The following XYLT1 variants were observed in gnomAD, a reference collection of about 807,000 sequenced individuals.
The protein encoded by XYLT1 is beta-D-xylosyltransferase 1.
A neutral mutation model predicts 91.3 loss-of-function variants in XYLT1; 36 were observed. The observed-to-expected ratio is 0.39, with a 90% CI of 0.30 to 0.52. XYLT1 has a LOEUF of 0.52. XYLT1 is among the 20% of genes least tolerant of loss of function. The probability of loss-of-function intolerance (pLI) is 0.68; values close to 1 mark genes in which losing one functional copy is unlikely to be tolerated. For synonymous variants in XYLT1, 588 were observed against 532.0 expected (o/e 1.11, Z -1.45); for missense variants, 1,242 against 1,284.5 (o/e 0.97, Z 0.51).
At chr16:17,303,922 G>C (rs1359438920) in intron 2 of XYLT1, among the ~76,000 whole-genome samples, 1 of 152,064 alleles carries the variant, frequency 6.6e-6, no homozygotes, top group Non-Finnish European at 1.5e-5. Context: ...TTTGTTAAGA[G>C]CAAATGATGT....
intron 2 of XYLT1, among the ~76,000 whole-genome samples, chr16:17,286,621 G>C (rs1454464295): frequency 1.3e-5 from 2 of 151,644 alleles, no homozygotes; most frequent in Admixed American, 1.3e-4. Flanking sequence ...TTAGCTTCTT[G>C]AATCCTCACA....
At position 17,108,761 on chromosome 16, in the gene XYLT1, C is replaced by T; in HGVS notation, c.2814G>A (p.Trp938Ter). Residue 938 changes from tryptophan (W) to a stop codon, truncating the protein, a stop_gained, in exon 12 of 12, where the codon TGG becomes TGA. Coordinates refer to ENST00000261381, the MANE Select transcript of XYLT1 (RefSeq NM_022166.4). LOFTEE classifies it high-confidence loss of function. ...PVMQTCSQTAWSSFSPDPKSE... is the reference protein window; with the variant it reads ...PVMQTCSQTA The stretch of plus-strand genomic sequence containing the variant: ...ACTTGGGGTCAGGGCTGAAGGAGCT[C>T]CAGGCCGTCTGGCTGCAGGTCTGCA... 1 of 1,608,028 alleles carries T rather than the reference C, an allele frequency of 6.2e-7. No individual in the cohort carries two copies. Among genetic ancestry groups the T allele is most frequent in the Non-Finnish European group, 8.5e-7 (1 of 1,179,166 alleles).
intron 2 of XYLT1, among the ~76,000 whole-genome samples, chr16:17,317,653 A>T (rs1456187748): frequency 2.0e-5 from 3 of 151,242 alleles, no homozygotes; most frequent in Non-Finnish European, 4.4e-5. Flanking sequence ...AAAAAAAAAA[A>T]AAAAAGGCAT....
At position 17,108,601 on chromosome 16, in the gene XYLT1, T is replaced by A. The variant is rs1966810367; in HGVS notation, c.*94A>T. On this transcript the variant is annotated 3_prime_UTR_variant, in exon 12 of 12. Transcript: ENST00000261381. Reference sequence around the variant, plus strand: ...AGGAGAGACCCATTCACAGAGGGCCTCCCCCAGGGTGGGAGGCCGGGGTTC... The same window carrying A: ...AGGAGAGACCCATTCACAGAGGGCCACCCCCAGGGTGGGAGGCCGGGGTTC... The A allele has an allele frequency of 9.5e-6, 12 of 1,257,610 alleles. No individual in the cohort carries two copies. The South Asian group carries it at 1.8e-4, about 19-fold the overall frequency. 77.9% of individuals were successfully genotyped at this position (1,257,610 alleles called of 1,614,324 possible).
chr16:17,297,557 GAAAAA>G lies in XYLT1; in HGVS notation c.403-38064_403-38060del, dbSNP rs35985751. Among the ~76,000 whole-genome samples, 302 of 142,972 alleles carry G rather than the reference GAAAAA, an allele frequency of 2.1e-3. 3 individuals are homozygous for G. Among genetic ancestry groups the G allele is most frequent in the African/African-American group, 7.1e-3 (287 of 40,330 alleles). 93.8% of individuals were successfully genotyped at this position (142,972 alleles called of 152,430 possible). A position where few individuals can be genotyped will look rare whatever the true frequency, so the allele number is the denominator to read the frequency against. On this transcript the variant is annotated intron_variant, in intron 2 of 11. Transcript: ENST00000261381. ...TGAGGACCCCATCTCTAAAGAAAAT[GAAAAA>G]AAAAAAAAAACTTAGCTTGGTATGG...
At chr16:17,280,454 ATG>A (rs1255460318) in intron 2 of XYLT1, among the ~76,000 whole-genome samples, 1 of 152,250 alleles carries the variant, frequency 6.6e-6, no homozygotes, top group Non-Finnish European at 1.5e-5. Flanking sequence ...TAATACAAAT[ATG>A]TGTCAGATAT....
At chr16:17,265,201 A>C (rs923846355) in intron 2 of XYLT1, among the ~76,000 whole-genome samples, 2 of 152,032 alleles carry the variant, frequency 1.3e-5, no homozygotes, top group Non-Finnish European at 2.9e-5. Flanking sequence ...CAAACAAACA[A>C]CACCTCACCT....
intron 9 of XYLT1, 144 bp downstream of exon 9, chr16:17,134,329 A>ATGAG (rs1035679707): frequency 1.1e-5 from 12 of 1,109,224 alleles, no homozygotes; most frequent in Non-Finnish European, 1.3e-5. Flanking sequence ...GTGGCGTTAG[A>ATGAG]TGAGTTTTGG....
intron 1 of XYLT1, among the ~76,000 whole-genome samples, chr16:17,366,198 C>A (rs1030799376): frequency 2.0e-5 from 3 of 151,792 alleles, no homozygotes; most frequent in Non-Finnish European, 4.4e-5. Context: ...TTTAGCAACA[C>A]TGGATGTGTA....
At chr16:17,469,655 G>A (rs1210101131) in intron 1 of XYLT1, among the ~76,000 whole-genome samples, 1 of 152,218 alleles carries the variant, frequency 6.6e-6, no homozygotes. Context: ...TAATCCCATA[G>A]GAGTGGAAGC....
intron 6 of XYLT1, among the ~76,000 whole-genome samples, chr16:17,144,128 T>C (rs1017742226): frequency 1.3e-4 from 20 of 149,100 alleles, no homozygotes; most frequent in Non-Finnish European, 2.9e-4. Context: ...GATTCTGTGA[T>C]TACTGTCTAC....
At chr16:17,358,537 G>C (rs530551623) in intron 1 of XYLT1, among the ~76,000 whole-genome samples, 1 of 152,248 alleles carries the variant, frequency 6.6e-6, no homozygotes, top group Non-Finnish European at 1.5e-5. Context: ...GAGACATCAG[G>C]ACAGCTTGGC....
At chr16:17,151,318 T>G (rs187065089) in intron 6 of XYLT1, among the ~76,000 whole-genome samples, 12 of 152,208 alleles carry the variant, frequency 7.9e-5, no homozygotes, top group African/African-American at 2.9e-4. Flanking sequence ...CCCAGCTACC[T>G]GGGAGACTGA....
intron 5 of XYLT1, among the ~76,000 whole-genome samples, chr16:17,173,412 T>C (rs574397470): frequency 2.6e-5 from 4 of 152,398 alleles, no homozygotes; most frequent in Non-Finnish European, 5.9e-5. Context: ...ACGTACATCC[T>C]GGATTAGCTT....
At chr16:17,117,593 CA>C in intron 11 of XYLT1, 52 bp downstream of exon 11, 4 of 1,562,564 alleles carry the variant, frequency 2.6e-6, no homozygotes, top group African/African-American at 1.3e-5. Context: ...CAAAGACCCT[CA>C]AGGTCCCCAG....
intron 1 of XYLT1, among the ~76,000 whole-genome samples, chr16:17,386,060 T>C (rs984108234): frequency 2.0e-5 from 3 of 152,162 alleles, no homozygotes; most frequent in African/African-American, 7.2e-5. Flanking sequence ...CTTGTATTGG[T>C]ATTATTTAGG....
At chr16:17,379,961 C>T (rs2035659016) in intron 1 of XYLT1, among the ~76,000 whole-genome samples, 1 of 152,170 alleles carries the variant, frequency 6.6e-6, no homozygotes, top group Non-Finnish European at 1.5e-5. Context: ...ACTTTTGTCT[C>T]CATTTTCCTT....
intron 2 of XYLT1, among the ~76,000 whole-genome samples, chr16:17,290,611 A>G (rs1327889640): frequency 6.6e-6 from 1 of 152,254 alleles, no homozygotes; most frequent in Non-Finnish European, 1.5e-5. Context: ...TGGAGCATGC[A>G]CTTGTAAATG....
At chr16:17,232,417 GTGTGTGTGTGTGTA>G (rs1289549805) in intron 3 of XYLT1, among the ~76,000 whole-genome samples, 1 of 94,990 alleles carries the variant, frequency 1.1e-5, no homozygotes, top group Non-Finnish European at 2.2e-5. Context: ...GTGTGTGTGT[GTGTGTGTGTGTGTA>G]TATATATATA....
Sources: allele counts gnomAD v4.1 joint callset (sites outside exome capture counted in the v4.1 genomes callset), GRCh38; gene constraint gnomAD v4.1.1; transcripts MANE v1.5; gene names NCBI Gene and HGNC (gene_info 2026-07-23, HGNC 2026-07-21).